Variants in PDE1C observed in about 807,000 individuals in gnomAD.
The protein encoded by PDE1C is dual specificity calcium/calmodulin-dependent 3',5'-cyclic nucleotide phosphodiesterase 1C.
PDE1C carries 62 observed loss-of-function variants against 93.1 expected under a neutral mutation model. The ratio of observed to expected loss-of-function variants is 0.67; its 90% CI spans 0.54 to 0.82. The LOEUF (loss-of-function observed/expected upper bound fraction) is 0.82. Among genes scored for constraint, PDE1C ranks in the 40% least tolerant of loss-of-function variants. PDE1C has a pLI of 0.00. For missense variants in PDE1C, 742 were observed against 884.6 expected, an observed-to-expected ratio of 0.84 and a Z score of 2.04; for synonymous variants, 325 against 310.1, an observed-to-expected ratio of 1.05 and a Z score of -0.50.
intron 1 of PDE1C, among the ~76,000 whole-genome samples, chr7:32,397,058 C>T (rs755600728): frequency 6.6e-6 from 1 of 152,094 alleles, no homozygotes; most frequent in Non-Finnish European, 1.5e-5. Context: ...TCTCTACAAA[C>T]TCCAGGTAGG....
chr7:31,747,883 G>T (rs921509974), downstream of PDE1C, among the ~76,000 whole-genome samples: 3 of 149,866 alleles, frequency 2.0e-5, no homozygotes, highest in African/African-American at 4.9e-5. Context: ...TCAGTCTTGG[G>T]TTCTACAACC....
At chr7:31,894,583 T>A (rs1487310793) in intron 2 of PDE1C, among the ~76,000 whole-genome samples, 1 of 152,198 alleles carries the variant, frequency 6.6e-6, no homozygotes, top group African/African-American at 2.4e-5. Context: ...AGGTGCAGAT[T>A]CCTTCTTTCT....
the PDE1C span, among the ~76,000 whole-genome samples, chr7:31,687,537 A>C: frequency 1.3e-5 from 2 of 152,322 alleles, no homozygotes; most frequent in South Asian, 4.1e-4. Flanking sequence ...TCATTTGCAA[A>C]GTTTCAAGAT....
intron 9 of PDE1C, 186 bp downstream of exon 9, chr7:31,847,782 A>G: frequency 3.4e-6 from 2 of 588,796 alleles, no homozygotes; most frequent in Non-Finnish European, 3.0e-6. Context: ...ATCTGTATAA[A>G]GAAAAAAGAG....
At chr7:32,190,999 T>G (rs1804193857) in intron 2 of PDE1C, among the ~76,000 whole-genome samples, 1 of 152,116 alleles carries the variant, frequency 6.6e-6, no homozygotes, top group Non-Finnish European at 1.5e-5. Context: ...TGAAATATCC[T>G]GGGAGAGCAA....
intron 15 of PDE1C, among the ~76,000 whole-genome samples, chr7:31,815,043 G>A (rs1176277795): frequency 1.3e-5 from 2 of 151,932 alleles, no homozygotes; most frequent in Non-Finnish European, 2.9e-5. Context: ...CCACTCAGAA[G>A]TATCTTTAGC....
chr7:32,371,676 TG>T (rs1170265359), intron 1 of PDE1C, among the ~76,000 whole-genome samples: 1 of 152,224 alleles, frequency 6.6e-6, no homozygotes. Flanking sequence ...TGTAAAACTT[TG>T]ACAACTACAA....
At chr7:31,657,705 A>G in the PDE1C span, among the ~76,000 whole-genome samples, 3 of 152,132 alleles carry the variant, frequency 2.0e-5, no homozygotes, top group Non-Finnish European at 4.4e-5. Context: ...TGCATTGACC[A>G]TATTCAACAT....
the PDE1C span, among the ~76,000 whole-genome samples, chr7:31,669,234 A>T: frequency 1.3e-5 from 2 of 151,560 alleles, no homozygotes; most frequent in African/African-American, 4.9e-5. Flanking sequence ...AATGCTGTAG[A>T]TTTTTTTTCT....
chr7:31,999,886 G>C (rs1312254820), intron 2 of PDE1C, among the ~76,000 whole-genome samples: 1 of 152,176 alleles, frequency 6.6e-6, no homozygotes, highest in Non-Finnish European at 1.5e-5. Context: ...GAGAAAAGGA[G>C]ACCCCAGGAG....
At chr7:31,674,693 T>A in the PDE1C span, among the ~76,000 whole-genome samples, 1 of 152,116 alleles carries the variant, frequency 6.6e-6, no homozygotes, top group African/African-American at 2.4e-5. Flanking sequence ...CTTTAAGAAA[T>A]GATACTTGTA....
intron 16 of PDE1C, among the ~76,000 whole-genome samples, chr7:31,779,211 T>C (rs1335875212): frequency 6.6e-6 from 1 of 152,170 alleles, no homozygotes; most frequent in Non-Finnish European, 1.5e-5. Context: ...TTTGTCGAAC[T>C]AACGAAAAGT....
intron 2 of PDE1C, among the ~76,000 whole-genome samples, chr7:31,945,776 TTCCTC>T (rs1728920424): frequency 1.3e-5 from 2 of 152,180 alleles, no homozygotes; most frequent in Admixed American, 1.3e-4. Context: ...TCCATTCTCT[TTCCTC>T]TCCTTCAGAA....
At chr7:31,695,845 A>C in the PDE1C span, 1 of 361,974 alleles carries the variant, frequency 2.8e-6, no homozygotes, top group Non-Finnish European at 4.8e-6. Context: ...TTTACCTACC[A>C]ATAGTGAAAC....
At chr7:32,193,916 GT>G (rs1554283858) in intron 2 of PDE1C, among the ~76,000 whole-genome samples, 2,271 of 115,192 alleles carry the variant, frequency 0.02, 49 homozygotes, top group East Asian at 0.084. Flanking sequence ...GTTTTGTTTT[GT>G]TTTTTTTTTT....
chr7:32,155,103 C>T (rs1191634463), intron 3 of PDE1C, among the ~76,000 whole-genome samples: 3 of 152,154 alleles, frequency 2.0e-5, no homozygotes, highest in Non-Finnish European at 4.4e-5. Context: ...GCAGAGACCT[C>T]ACTGAAAGGC....
At chr7:32,258,996 C>T (rs1315217119) in intron 1 of PDE1C, among the ~76,000 whole-genome samples, 1 of 152,138 alleles carries the variant, frequency 6.6e-6, no homozygotes, top group African/African-American at 2.4e-5. Context: ...AGGAGGTCCT[C>T]AGTAGGGTCC....
intron 3 of PDE1C, among the ~76,000 whole-genome samples, chr7:32,084,615 C>A (rs1208768497): frequency 1.3e-5 from 2 of 151,724 alleles, no homozygotes; most frequent in African/African-American, 4.9e-5. Flanking sequence ...AAGCTCTCCT[C>A]AGCAAATGTA....
intron 1 of PDE1C, among the ~76,000 whole-genome samples, chr7:32,398,908 G>C (rs1784891023): frequency 6.6e-6 from 1 of 152,118 alleles, no homozygotes; most frequent in Non-Finnish European, 1.5e-5. Context: ...GGATTAAACA[G>C]ATCACCAGCA....
Sources: allele counts gnomAD v4.1 joint callset (sites outside exome capture counted in the v4.1 genomes callset), GRCh38; gene constraint gnomAD v4.1.1; transcripts MANE v1.5; gene names NCBI Gene and HGNC (gene_info 2026-07-23, HGNC 2026-07-21).